The following BRI3BP variants were observed in gnomAD, a reference collection of about 807,000 sequenced individuals.
BRI3BP encodes the protein BRI3-binding protein.
BRI3BP carries 7 observed loss-of-function variants against 15.8 expected under a neutral mutation model. The observed-to-expected ratio is 0.44, with a 90% CI of 0.25 to 0.83. The LOEUF (loss-of-function observed/expected upper bound fraction) is 0.83. Among genes scored for constraint, BRI3BP ranks in the 40% least tolerant of loss-of-function variants. BRI3BP has a pLI of 0.20. For synonymous variants in BRI3BP, 192 were observed against 163.5 expected, an observed-to-expected ratio of 1.17 and a Z score of -1.33; for missense variants, 320 against 339.3, an observed-to-expected ratio of 0.94 and a Z score of 0.45.
chr12:125,036,114 C>G (rs12829490), downstream of BRI3BP, among the ~76,000 whole-genome samples: 98,171 of 136,882 alleles, frequency 0.72, 36,393 homozygotes, highest in South Asian at 0.85. Context: ...ACCAAGGCTG[C>G]AGTGCAATGG....
rs549422664 is a variant in BRI3BP, at chr12:125,008,470, G to A, written c.214-4064G>A. 7.2e-4 allele frequency among the ~76,000 whole-genome samples: 109 copies of A among 151,888 alleles called. 2 individuals are homozygous for A. Among genetic ancestry groups the A allele is most frequent in the Middle Eastern group, 3.4e-3 (1 of 294 alleles). On this transcript the variant is annotated intron_variant, in intron 1 of 2. Transcript: ENST00000341446. The stretch of plus-strand genomic sequence containing the variant: ...TGGGACTACAGGCGCCCACCACCAC[G>A]CATGGCTAATTTTTTGTATTTTTAG...
chr12:125,025,253 C>G lies in BRI3BP; in HGVS notation c.579C>G (p.Ala193=), dbSNP rs753587269. ...TGCTGCCGCTGTGCTTCGTGGTGGC[C>G]GTCTACTTCATGACCGGGCCCATGG... ...NAVLPLCFVV[A]VYFMTGPMGF... Residue 193 remains alanine, a synonymous_variant, in exon 3 of 3, where the codon GCC becomes GCG. Transcript: ENST00000341446. The G allele has an allele frequency of 1.4e-5, 22 of 1,614,002 alleles. No individual in the cohort carries two copies. Among genetic ancestry groups the G allele is most frequent in the East Asian group, 2.2e-5 (1 of 44,900 alleles).
intron 1 of BRI3BP, 109 bp downstream of exon 1, chr12:124,994,112 C>A: frequency 1.3e-6 from 1 of 777,620 alleles, no homozygotes; most frequent in Non-Finnish European, 1.6e-6. Flanking sequence ...GCCCGGCCAG[C>A]GCGCGGGAAG....
intron 1 of BRI3BP, among the ~76,000 whole-genome samples, chr12:125,011,215 T>C (rs1183563904): frequency 2.6e-5 from 4 of 151,720 alleles, no homozygotes; most frequent in Non-Finnish European, 2.9e-5. Context: ...GATGCAGCCC[T>C]GCAGAGTCCC....
At chr12:125,041,881 A>G in the BRI3BP span, among the ~76,000 whole-genome samples, 1 of 152,150 alleles carries the variant, frequency 6.6e-6, no homozygotes, top group Non-Finnish European at 1.5e-5. Flanking sequence ...TTTTGTAGAG[A>G]TGGGGTCTCA....
the BRI3BP span, among the ~76,000 whole-genome samples, chr12:125,038,086 A>C: frequency 6.6e-6 from 1 of 151,656 alleles, no homozygotes; most frequent in Non-Finnish European, 1.5e-5. Context: ...TGAGCTCAGG[A>C]GTTCAAGACC....
intron 1 of BRI3BP, among the ~76,000 whole-genome samples, chr12:125,003,975 AC>A (rs1868445806): frequency 1.3e-5 from 2 of 150,316 alleles, no homozygotes; most frequent in Non-Finnish European, 3.0e-5. Context: ...ACACACACAC[AC>A]ACACACACAC....
chr12:125,000,545 C>T (rs947464420), intron 1 of BRI3BP, among the ~76,000 whole-genome samples: 6 of 150,868 alleles, frequency 4.0e-5, no homozygotes, highest in Admixed American at 6.8e-5. Context: ...GATCTCCTGA[C>T]CTCATGATTG....
intron 1 of BRI3BP, among the ~76,000 whole-genome samples, chr12:124,995,087 G>A (rs1955029415): frequency 6.6e-6 from 1 of 152,184 alleles, no homozygotes; most frequent in Non-Finnish European, 1.5e-5. Flanking sequence ...TATGAAGGCC[G>A]AAATCAGATT....
chr12:125,000,439 G>A (rs190319319), intron 1 of BRI3BP, among the ~76,000 whole-genome samples: 68 of 147,298 alleles, frequency 4.6e-4, no homozygotes, highest in Non-Finnish European at 9.0e-4. Context: ...TCAGCCTCCC[G>A]AGTAGCTGGG....
chr12:125,019,177 C>G (rs1390715051), intron 2 of BRI3BP, among the ~76,000 whole-genome samples: 1 of 152,120 alleles, frequency 6.6e-6, no homozygotes, highest in African/African-American at 2.4e-5. Flanking sequence ...TTTTTAGCTA[C>G]TTGGCCATGG....
chr12:125,038,567 A>G, the BRI3BP span, among the ~76,000 whole-genome samples: 1 of 151,656 alleles, frequency 6.6e-6, no homozygotes, highest in Non-Finnish European at 1.5e-5. Context: ...GGAGTTCAAG[A>G]CCAGCTTGAG....
chr12:125,049,019 C>T, the BRI3BP span, among the ~76,000 whole-genome samples: 1 of 152,086 alleles, frequency 6.6e-6, no homozygotes, highest in East Asian at 1.9e-4. Context: ...AGTGCAATGG[C>T]GCGATCTCGG....
intron 1 of BRI3BP, among the ~76,000 whole-genome samples, chr12:125,006,450 A>G (rs1955144807): frequency 6.6e-6 from 1 of 151,062 alleles, no homozygotes; most frequent in South Asian, 2.1e-4. Context: ...GTGAGAAAGA[A>G]CCTCTGACCT....
In BRI3BP at chr12:125,026,276, G is replaced by T. The variant is rs2136001555; in HGVS notation, c.*846G>T. ...AATCTACTGCATGTCCCAATTTGCA[G>T]TTTGCTCACTAGGGCTATATACAAA... On this transcript the variant is annotated 3_prime_UTR_variant, in exon 3 of 3. Transcript: ENST00000341446. 1 of 151,858 alleles carries T rather than the reference G, an allele frequency of 6.6e-6. No homozygotes were observed. Among genetic ancestry groups the T allele is most frequent in the East Asian group, 1.9e-4 (1 of 5,176 alleles). 9.4% of individuals were successfully genotyped at this position (151,858 alleles called of 1,614,324 possible).
At chr12:125,016,266 A>G (rs1424441363) in intron 2 of BRI3BP, among the ~76,000 whole-genome samples, 1 of 152,074 alleles carries the variant, frequency 6.6e-6, no homozygotes, top group African/African-American at 2.4e-5. Flanking sequence ...TTTGAGTGCA[A>G]AATGCTTTAC....
chr12:125,047,111 A>G, the BRI3BP span, among the ~76,000 whole-genome samples: 2 of 152,274 alleles, frequency 1.3e-5, no homozygotes, highest in South Asian at 2.1e-4. Context: ...AACATTTAAA[A>G]CAGGGATTTA....
chr12:125,034,161 C>T (rs929228519), downstream of BRI3BP, among the ~76,000 whole-genome samples: 6 of 152,116 alleles, frequency 3.9e-5, no homozygotes, highest in Admixed American at 3.9e-4. Context: ...ATTCTACCGC[C>T]TCAGCCTCCC....
At chr12:124,994,979 G>T (rs1955028689) in intron 1 of BRI3BP, among the ~76,000 whole-genome samples, 1 of 152,150 alleles carries the variant, frequency 6.6e-6, no homozygotes, top group Non-Finnish European at 1.5e-5. Context: ...TCATTGCGAG[G>T]TTGTAATTAT....
Sources: gnomAD v4.1 joint callset for allele counts (sites outside exome capture counted in the v4.1 genomes callset) on GRCh38, gnomAD v4.1.1 for gene constraint, MANE v1.5 for transcripts, NCBI Gene and HGNC (gene_info 2026-07-23, HGNC 2026-07-21) for gene names.